PAX3: variants seen among roughly 807,000 people sequenced by gnomAD.
PAX3 encodes the protein paired box 3, also known as paired box protein Pax-3.
In PAX3, 14 loss-of-function variants were observed where a neutral mutation model predicts 51.6. That is an observed-to-expected ratio of 0.27 (90% CI 0.18 to 0.42). The LOEUF (loss-of-function observed/expected upper bound fraction) is 0.42. Among genes scored for constraint, PAX3 ranks in the 10% least tolerant of loss-of-function variants. The pLI, the probability that PAX3 is intolerant of heterozygous loss-of-function variation, is 1.00. For synonymous variants in PAX3, 280 were observed against 253.4 expected (o/e 1.11, Z -1.00); for missense variants, 540 against 642.8 (o/e 0.84, Z 1.73).
chr2:222,262,898 C>T (rs1218781253), intron 4 of PAX3: 1 of 152,128 alleles, frequency 6.6e-6, no homozygotes, highest in Non-Finnish European at 1.5e-5. Flanking sequence ...TTTCAACCAA[C>T]AGTGTTGAAA....
intron 4 of PAX3, among the ~76,000 whole-genome samples, chr2:222,252,684 T>C (rs10498135): frequency 0.12 from 17,665 of 152,144 alleles, 1,262 homozygotes; most frequent in East Asian, 0.32. Context: ...TATGTTCAGA[T>C]GTTAATGAAT....
At chr2:222,256,995 G>A (rs549646830) in intron 4 of PAX3, among the ~76,000 whole-genome samples, 4 of 152,266 alleles carry the variant, frequency 2.6e-5, no homozygotes, top group Admixed American at 6.5e-5. Context: ...TAATCAATAC[G>A]TAGGTAAAAT....
chr2:222,284,855 G>T (rs1160688630), intron 4 of PAX3, among the ~76,000 whole-genome samples: 4 of 152,216 alleles, frequency 2.6e-5, no homozygotes, highest in Admixed American at 2.6e-4. Flanking sequence ...CTGGTATGCA[G>T]TTCCCTATCT....
intron 4 of PAX3, among the ~76,000 whole-genome samples, chr2:222,234,467 T>C (rs1574665593): frequency 6.6e-6 from 1 of 152,180 alleles, no homozygotes; most frequent in African/African-American, 2.4e-5. Context: ...ACATGTATGA[T>C]TGATAAATGT....
At position 222,293,759 on chromosome 2, in the gene PAX3, T is replaced by C. The variant is rs1286582518; in HGVS notation, c.586+408A>G. The C allele has an allele frequency of 2.5e-6, 4 of 1,614,068 alleles. No individual in the cohort carries two copies. In the East Asian group the frequency reaches 8.9e-5, roughly 36 times the overall value. On this transcript the variant is annotated intron_variant, in intron 4 of 8. Coordinates refer to ENST00000392070, the MANE Select transcript of PAX3 (RefSeq NM_181458.4). ...AAACTCCGGAGACCAGGGCCTTTCC[T>C]GAGGGCATAAAAGCTACTTCAACTT...
chr2:222,205,698 G>A (rs918685427), intron 7 of PAX3, among the ~76,000 whole-genome samples: 3 of 152,064 alleles, frequency 2.0e-5, no homozygotes, highest in African/African-American at 7.2e-5. Flanking sequence ...AAAACCTACT[G>A]TTTTACAGTT....
intron 4 of PAX3, among the ~76,000 whole-genome samples, chr2:222,261,637 A>C (rs1484598093): frequency 6.6e-6 from 1 of 151,938 alleles, no homozygotes; most frequent in African/African-American, 2.4e-5. Context: ...AGAAACACCA[A>C]CTTCTTACCT....
intron 4 of PAX3, among the ~76,000 whole-genome samples, chr2:222,274,190 A>G (rs1694342283): frequency 6.6e-6 from 1 of 152,218 alleles, no homozygotes; most frequent in Non-Finnish European, 1.5e-5. Flanking sequence ...TCCAAAATGA[A>G]TTGTACAACA....
chr2:222,291,106 C>G (rs1465813028), intron 4 of PAX3, among the ~76,000 whole-genome samples: 2 of 152,148 alleles, frequency 1.3e-5, no homozygotes. Context: ...AGTGGGGGCC[C>G]AGCCCATTGT....
intron 4 of PAX3, among the ~76,000 whole-genome samples, chr2:222,279,675 T>C (rs1269743567): frequency 6.6e-6 from 1 of 152,232 alleles, no homozygotes; most frequent in Non-Finnish European, 1.5e-5. Context: ...AAGATAGTCA[T>C]TGTCTTACTT....
chr2:222,235,704 A>T (rs1385772656), intron 4 of PAX3, among the ~76,000 whole-genome samples: 1 of 152,198 alleles, frequency 6.6e-6, no homozygotes, highest in African/African-American at 2.4e-5. Flanking sequence ...GTGGAGGAGA[A>T]GGGCAAAAGC....
chr2:222,225,020 A>G (rs17401668), intron 5 of PAX3, among the ~76,000 whole-genome samples: 17,690 of 152,160 alleles, frequency 0.12, 1,210 homozygotes, highest in Middle Eastern at 0.15. Flanking sequence ...CTACAATTCA[A>G]TGTAATTTTA....
chr2:222,295,470 T>C, intron 3 of PAX3, 58 bp downstream of exon 3: 1 of 1,599,868 alleles, frequency 6.3e-7, no homozygotes, highest in Non-Finnish European at 8.6e-7. Context: ...TGGGTCGACG[T>C]GCCGGGGTAA....
Position 222,232,211 on chromosome 2 carries a change from C to T in PAX3, c.659G>A (p.Arg220His). ...TGCTGTGAAGGTGGTTCGGCTTCTG[C>T]GCTGTTTCCTCTTTAGTGGTAAATC... The part of the protein sequence containing the change: ...EPDLPLKRKQ[R>H]RSRTTFTAEQ... The change falls in exon 5 of 9, where the codon CGC becomes CAC. Residue 220 changes from arginine (R) to histidine (H), a missense_variant. Arg to His is a conservative substitution (Grantham distance 29). Transcript: ENST00000392070. 3 of 1,614,032 alleles carry T rather than the reference C, an allele frequency of 1.9e-6. No individual in the cohort carries two copies. Among genetic ancestry groups the T allele is most frequent in the Non-Finnish European group, 1.7e-6 (2 of 1,179,956 alleles).
intron 4 of PAX3, among the ~76,000 whole-genome samples, chr2:222,285,809 A>G (rs1279212826): frequency 6.6e-6 from 1 of 152,260 alleles, no homozygotes; most frequent in Non-Finnish European, 1.5e-5. Context: ...TGATAAAACT[A>G]TACTACTTAA....
intron 4 of PAX3, among the ~76,000 whole-genome samples, chr2:222,286,839 C>T (rs1185692668): frequency 6.6e-6 from 1 of 152,186 alleles, no homozygotes; most frequent in Non-Finnish European, 1.5e-5. Flanking sequence ...TTTATAACAC[C>T]TATTATTCCT....
chr2:222,254,759 C>T (rs1180746636), intron 4 of PAX3, among the ~76,000 whole-genome samples: 1 of 152,060 alleles, frequency 6.6e-6, no homozygotes, highest in Non-Finnish European at 1.5e-5. Context: ...ATATTTAAGG[C>T]TCACTATTAA....
At chr2:222,263,575 T>C (rs1219784001) in intron 4 of PAX3, 1 of 152,210 alleles carries the variant, frequency 6.6e-6, no homozygotes, top group Non-Finnish European at 1.5e-5. Flanking sequence ...CAGTTTCTTA[T>C]AAAGTTAAGC....
intron 5 of PAX3, among the ~76,000 whole-genome samples, chr2:222,227,314 CCAGA>C (rs1692420071): frequency 1.3e-5 from 2 of 152,124 alleles, no homozygotes. Context: ...AATATTTGGG[CCAGA>C]CATAGTGGCT....
Sources: allele counts gnomAD v4.1 joint callset (sites outside exome capture counted in the v4.1 genomes callset), GRCh38; gene constraint gnomAD v4.1.1; transcripts MANE v1.5; gene names NCBI Gene and HGNC (gene_info 2026-07-23, HGNC 2026-07-21).